The following MYO16 variants were observed in gnomAD, a reference collection of about 807,000 sequenced individuals.
The protein encoded by MYO16 is myosin XVI, also known as unconventional myosin-XVI.
MYO16 carries 94 observed loss-of-function variants against 205.3 expected under a neutral mutation model. The observed-to-expected ratio is 0.46, with a 90% CI of 0.39 to 0.54. MYO16 has a LOEUF of 0.54. MYO16 is among the 20% of genes least tolerant of loss of function. MYO16 has a pLI of 0.00. For synonymous variants in MYO16, 988 were observed against 954.0 expected (o/e 1.04, Z -0.66); for missense variants, 2,315 against 2,387.5 (o/e 0.97, Z 0.63).
chr13:108,687,595 G>T (rs1229345961), intron 2 of MYO16, among the ~76,000 whole-genome samples: 4 of 152,198 alleles, frequency 2.6e-5, no homozygotes, highest in Admixed American at 2.6e-4. Context: ...GCTGGAAGAA[G>T]TGGAAAACAC....
At chr13:109,093,690 G>GA (rs1456478407) in intron 27 of MYO16, among the ~76,000 whole-genome samples, 1 of 152,058 alleles carries the variant, frequency 6.6e-6, no homozygotes, top group African/African-American at 2.4e-5. Context: ...CCATTCACCA[G>GA]AAAATCCGGC....
At chr13:108,644,797 A>G (rs1880679650) in intron 1 of MYO16, among the ~76,000 whole-genome samples, 1 of 152,208 alleles carries the variant, frequency 6.6e-6, no homozygotes, top group East Asian at 1.9e-4. Flanking sequence ...CAACCCTCAC[A>G]CCCATGAACA....
At chr13:109,085,090 G>A (rs1246194593) in intron 27 of MYO16, among the ~76,000 whole-genome samples, 1 of 152,148 alleles carries the variant, frequency 6.6e-6, no homozygotes, top group Non-Finnish European at 1.5e-5. Context: ...GGTTCAGCCT[G>A]GGGGAGAGCA....
At chr13:109,147,175 G>GA (rs146480247) in intron 32 of MYO16, among the ~76,000 whole-genome samples, 3,223 of 125,468 alleles carry the variant, frequency 0.026, 78 homozygotes, top group African/African-American at 0.076. Context: ...TTCTACTACA[G>GA]AAAAAAAAAA....
chr13:108,849,619 TTGTGTGTGTGTGTGTGTGTG>T (rs60404877), intron 10 of MYO16, among the ~76,000 whole-genome samples: 16 of 83,890 alleles, frequency 1.9e-4, no homozygotes, highest in African/African-American at 6.0e-4. Flanking sequence ...ATTTCCTCTT[TTGTGTGTGTGTGTGTGTGTG>T]TGTGTGTGTG....
chr13:109,117,460 ATGTG>A (rs1399118510), intron 28 of MYO16, among the ~76,000 whole-genome samples: 80 of 147,274 alleles, frequency 5.4e-4, no homozygotes, highest in African/African-American at 1.9e-3. Flanking sequence ...ATATATATGT[ATGTG>A]TATATATGTA....
intron 34 of MYO16, among the ~76,000 whole-genome samples, chr13:109,182,106 C>T (rs926847424): frequency 2.6e-5 from 4 of 152,168 alleles, no homozygotes; most frequent in Non-Finnish European, 5.9e-5. Context: ...GCGGGAGCCA[C>T]TGCACCTGGC....
chr13:108,604,765 T>C (rs935104586), intron 1 of MYO16, among the ~76,000 whole-genome samples: 1 of 152,180 alleles, frequency 6.6e-6, no homozygotes, highest in African/African-American at 2.4e-5. Context: ...ACTTACCAAC[T>C]TAATTGCAAC....
chr13:108,761,201 C>T (rs1011707970), intron 4 of MYO16, among the ~76,000 whole-genome samples: 2 of 152,174 alleles, frequency 1.3e-5, no homozygotes, highest in East Asian at 3.9e-4. Context: ...CTAGAACTTG[C>T]CTGCTGAGCC....
At chr13:109,005,005 A>T (rs1885343285) in intron 21 of MYO16, among the ~76,000 whole-genome samples, 1 of 152,224 alleles carries the variant, frequency 6.6e-6, no homozygotes, top group Admixed American at 6.5e-5. Context: ...AAGGTAAAGA[A>T]CTTCCAGCTT....
At chr13:108,660,630 C>CT (rs916005271) in intron 1 of MYO16, among the ~76,000 whole-genome samples, 2 of 152,070 alleles carry the variant, frequency 1.3e-5, no homozygotes, top group African/African-American at 4.8e-5. Context: ...CATGAAATGC[C>CT]TTTTTCCACC....
chr13:108,747,203 G>C (rs558067705), intron 4 of MYO16, among the ~76,000 whole-genome samples: 1 of 152,268 alleles, frequency 6.6e-6, no homozygotes, highest in African/African-American at 2.4e-5. Context: ...GTATAGGTCA[G>C]AATCTTTGAC....
the MYO16 span, among the ~76,000 whole-genome samples, chr13:108,529,080 C>T: frequency 6.6e-6 from 1 of 152,144 alleles, no homozygotes; most frequent in African/African-American, 2.4e-5. Flanking sequence ...GACTTTCTTA[C>T]TAATTCACCC....
At chr13:108,537,704 G>C in the MYO16 span, among the ~76,000 whole-genome samples, 3 of 151,894 alleles carry the variant, frequency 2.0e-5, no homozygotes, top group African/African-American at 7.3e-5. Flanking sequence ...TAGCCATTGT[G>C]ACTGGTGTGA....
chr13:108,624,057 A>C (rs1327548823), intron 1 of MYO16, among the ~76,000 whole-genome samples: 2 of 152,190 alleles, frequency 1.3e-5, no homozygotes, highest in Non-Finnish European at 2.9e-5. Context: ...GCATGATTCA[A>C]CTAAAGAGGC....
intron 12 of MYO16, among the ~76,000 whole-genome samples, chr13:108,866,463 T>C (rs1277192401): frequency 6.6e-6 from 1 of 152,248 alleles, no homozygotes; most frequent in Non-Finnish European, 1.5e-5. Context: ...ATGTGTAATT[T>C]GTTTATGACT....
intron 2 of MYO16, among the ~76,000 whole-genome samples, chr13:108,698,087 A>G (rs772791114): frequency 3.9e-5 from 6 of 152,042 alleles, no homozygotes; most frequent in South Asian, 2.1e-4. Context: ...ATTTGCATGT[A>G]AGCTATTATG....
chr13:108,559,912 T>C, the MYO16 span, among the ~76,000 whole-genome samples: 7 of 152,116 alleles, frequency 4.6e-5, no homozygotes, highest in Admixed American at 2.0e-4. Context: ...TTAGACAACT[T>C]CCCTGTATTT....
At chr13:108,810,769 T>G (rs1275811883) in intron 7 of MYO16, among the ~76,000 whole-genome samples, 1 of 152,148 alleles carries the variant, frequency 6.6e-6, no homozygotes, top group Non-Finnish European at 1.5e-5. Context: ...TTTAGAGACA[T>G]TCACAGTAAT....
Sources: allele counts gnomAD v4.1 joint callset (sites outside exome capture counted in the v4.1 genomes callset), GRCh38; gene constraint gnomAD v4.1.1; transcripts MANE v1.5; gene names NCBI Gene and HGNC (gene_info 2026-07-23, HGNC 2026-07-21).